The following TASOR2 variants were observed in gnomAD, a reference collection of about 807,000 sequenced individuals.
TASOR2 encodes the protein protein TASOR 2.
Under a neutral mutation model 199.5 loss-of-function variants are expected in TASOR2, and 84 were observed. The ratio of observed to expected loss-of-function variants is 0.42; its 90% confidence interval spans 0.35 to 0.50. TASOR2 has a LOEUF of 0.50. Ranked by LOEUF, TASOR2 falls within the 20% of genes least tolerant of loss-of-function variation. TASOR2 has a pLI of 0.02. For synonymous variants in TASOR2, 1,103 were observed against 1,046.6 expected, an observed-to-expected ratio of 1.05 and a Z score of -1.04; for missense variants, 2,796 against 2,835.9, an observed-to-expected ratio of 0.99 and a Z score of 0.32.
At position 5,749,679 on chromosome 10, in the gene TASOR2, C is replaced by T. The variant is rs61729838; in HGVS notation, c.6258C>T (p.His2086=). The change falls in exon 15 of 21, where the codon CAC becomes CAT. Residue 2086 remains histidine, a synonymous_variant. Transcript: ENST00000328090. The stretch of plus-strand genomic sequence containing the variant: ...ATCTTAGAAATTCTCAAAGAAATCA[C>T]ACTGTTTCATTCCACCTCAACAAAC... 2,250 of 1,614,184 alleles carry T rather than the reference C, an allele frequency of 1.4e-3. 34 individuals are homozygous for T. In the African/African-American group the frequency reaches 0.026, roughly 19 times the overall value.
intron 1 of TASOR2, among the ~76,000 whole-genome samples, chr10:5,707,441 G>T (rs2131536393): frequency 6.6e-6 from 1 of 152,188 alleles, no homozygotes; most frequent in Admixed American, 6.5e-5. Flanking sequence ...CATCTTGGTT[G>T]CAAGGAGATC....
rs766394622 is a variant in TASOR2 at position 5,746,446 on chromosome 10, G to A, written c.3025G>A (p.Ala1009Thr). 18 of 1,614,036 alleles carry A rather than the reference G, an allele frequency of 1.1e-5. No individual in the cohort carries two copies. In the East Asian group the frequency reaches 1.3e-4, roughly 12 times the overall value. ...AAACAAAGTGGATATTCTTGATGCA[G>A]CAGTGCAAACAAAAACAGGTACTTT... Residue 1009 changes from alanine (A) to threonine (T), a missense_variant, in exon 15 of 21, where the codon GCA becomes ACA. Coordinates refer to ENST00000328090, the Ensembl canonical transcript of TASOR2.
rs1833221846 is a variant in TASOR2 at position 5,720,542 on chromosome 10, A to C, written c.-99-2A>C. 4 of 1,590,408 alleles carry C rather than the reference A, an allele frequency of 2.5e-6. No homozygotes were observed. On this transcript the variant is annotated splice_acceptor_variant, in intron 3 of 20. Transcript: ENST00000328090. LOFTEE classifies it low-confidence loss of function (5UTR_SPLICE). The surrounding 1 kb of genome is among the most constrained non-coding windows in gnomAD (Gnocchi z 5.3). ...TGATAATACTTATTTTTCCTCTTTC[A>C]GTATTACTTTTACGAACTTTCAGGC...
At chr10:5,755,081 G>A (rs2131645353) in intron 15 of TASOR2, among the ~76,000 whole-genome samples, 1 of 151,124 alleles carries the variant, frequency 6.6e-6, no homozygotes, top group Middle Eastern at 3.5e-3. Flanking sequence ...GAAATCTGAG[G>A]GTGTGACAGA....
intron 20 of TASOR2, 32 bp from the exon 22 acceptor site, chr10:5,762,997 A>G (rs751061981): frequency 1.9e-6 from 3 of 1,605,698 alleles, no homozygotes; most frequent in Admixed American, 1.7e-5. Flanking sequence ...TATTATTTTA[A>G]GAAGTTCTTT....
rs185664589 is a variant in TASOR2 at position 5,742,648 on chromosome 10, G to T, written c.2757+122G>T. 2 of 922,944 alleles carry T rather than the reference G, an allele frequency of 2.2e-6. No homozygotes were observed. The highest frequency in any genetic ancestry group is 3.4e-4 in the Middle Eastern group (1 of 2,984). 57.2% of individuals were successfully genotyped at this position (922,944 alleles called of 1,614,324 possible). A position where few individuals can be genotyped will look rare whatever the true frequency, so the allele number is the denominator to read the frequency against. On this transcript the variant is annotated intron_variant, in intron 14 of 20. Transcript: ENST00000328090. The surrounding 1 kb of genome is among the most constrained non-coding windows in gnomAD (Gnocchi z 4.2). ...TTAGGACAGTGAATTCTCAAGGTAT[G>T]TAAAGAACTATTACACCAAAAACCT...
At chr10:5,746,616 G>A in exon 15 of TASOR2, 1 of 1,614,128 alleles carries the variant, frequency 6.2e-7, no homozygotes, top group Non-Finnish European at 8.5e-7. Flanking sequence ...TACCAATACA[G>A]ACAGAAGGTG....
Position 5,754,590 on chromosome 10 carries a change from A to T in TASOR2, c.6607-2023A>T, listed in dbSNP as rs954197198. On this transcript the variant is annotated intron_variant, in intron 15 of 20. Transcript: ENST00000328090. This position sits in a 1 kb window ranked among gnomAD's most constrained non-coding sequence, Gnocchi z 4.3. ...TTTTTAGTAGAGATGGGGTTTCACC[A>T]TGTTGGCCAGGCTGGTCTCGAACTC... Among the ~76,000 whole-genome samples, 4 of 151,902 alleles carry T rather than the reference A, an allele frequency of 2.6e-5. No individual in the cohort carries two copies. Among genetic ancestry groups the T allele is most frequent in the African/African-American group, 7.3e-5 (3 of 41,358 alleles).
At chr10:5,739,506 A>G in intron 12 of TASOR2, 112 bp from the exon 14 acceptor site, 1 of 991,350 alleles carries the variant, frequency 1.0e-6, no homozygotes, top group Non-Finnish European at 1.5e-6. Context: ...TATGCAATAT[A>G]TGTTACATAA....
rs774369293 is a variant in TASOR2 at position 5,749,350 on chromosome 10, C to T, written c.5929C>T (p.Leu1977=). 11 of 1,614,096 alleles carry T rather than the reference C, an allele frequency of 6.8e-6. No homozygotes were observed. The Admixed American group carries it at 1.7e-4, about 24-fold the overall frequency. Residue 1977 remains leucine, a synonymous_variant, in exon 15 of 21, where the codon CTG becomes TTG. Transcript: ENST00000328090. ...CGACCTCACCCAGAACACTTTAGACCTGGAGTATCTGCGTTTTGCACATAA... is the reference window on the plus strand; with the variant it reads ...CGACCTCACCCAGAACACTTTAGACTTGGAGTATCTGCGTTTTGCACATAA...
Position 5,690,380 on chromosome 10 carries a change from A to G in TASOR2, c.-288+5205A>G, listed in dbSNP as rs1348044569. Among the ~76,000 whole-genome samples the G allele has an allele frequency of 6.6e-6, 1 of 152,230 alleles. No homozygotes were observed. The highest frequency in any genetic ancestry group is 1.5e-5 in the Non-Finnish European group (1 of 68,054). On this transcript the variant is annotated intron_variant, in intron 1 of 20. Transcript: ENST00000328090. This position sits in a 1 kb window ranked among gnomAD's most constrained non-coding sequence, Gnocchi z 4.8. ...ACTACCCTCCTTGGCATGGTGAAAT[A>G]GACCCTGTTTAGAACCTTTCATGTA...
intron 3 of TASOR2, among the ~76,000 whole-genome samples, chr10:5,718,411 A>G (rs1296539190): frequency 6.7e-6 from 1 of 149,292 alleles, no homozygotes; most frequent in East Asian, 1.9e-4. Context: ...AAAAAAAACA[A>G]GAGCCTGTGA....
At chr10:5,734,381 G>C (rs1338175704) in intron 11 of TASOR2, among the ~76,000 whole-genome samples, 3 of 151,814 alleles carry the variant, frequency 2.0e-5, no homozygotes, top group Non-Finnish European at 4.4e-5. Context: ...AGGCTTCCCA[G>C]AGCGCTTCTA....
At position 5,742,669 on chromosome 10, in the gene TASOR2, A is replaced by C; in HGVS notation, c.2757+143A>C. On this transcript the variant is annotated intron_variant, in intron 14 of 20. Coordinates refer to ENST00000328090, the Ensembl canonical transcript of TASOR2. This position sits in a 1 kb window ranked among gnomAD's most constrained non-coding sequence, Gnocchi z 4.2. Reference sequence around the variant, plus strand: ...GTATGTAAAGAACTATTACACCAAAAACCTAGTTTTCATGAAGTGTCCTTG... The same window carrying C: ...GTATGTAAAGAACTATTACACCAAACACCTAGTTTTCATGAAGTGTCCTTG... 1.3e-6 allele frequency: 1 copy of C among 768,436 alleles called. No individual in the cohort carries two copies. The highest frequency in any genetic ancestry group is 2.8e-5 in the East Asian group (1 of 35,914). The allele number at this position is 768,436 out of a possible 1,614,324, so 47.6% of individuals were successfully genotyped here.
At chr10:5,735,189 C>T in intron 11 of TASOR2, 115 bp from the exon 13 acceptor site, 5 of 1,200,230 alleles carry the variant, frequency 4.2e-6, no homozygotes, top group South Asian at 1.6e-5. Flanking sequence ...AGTTTATTCC[C>T]CATTACTAAA....
rs1314104920 is a variant in TASOR2 at position 5,698,418 on chromosome 10, G to A, written c.-288+13243G>A. ...CAGGATGGTCTGTTAATAAACATTA[G>A]TTAACCGAACAGTTATATGATTAAA... On this transcript the variant is annotated intron_variant, in intron 1 of 20. Transcript: ENST00000328090. The surrounding 1 kb of genome is among the most constrained non-coding windows in gnomAD (Gnocchi z 4.4). Among the ~76,000 whole-genome samples, 4 of 152,132 alleles carry A rather than the reference G, an allele frequency of 2.6e-5. No homozygotes were observed. The highest frequency in any genetic ancestry group is 1.3e-4 in the Admixed American group (2 of 15,276).
In TASOR2 at chr10:5,720,742, C is replaced by G. The variant is rs1353608507; in HGVS notation, c.27-13C>G. ...TCTTGTAAACATGTTCTTTTTCTTT[C>G]TTTTTCTGCTAGACTTGAACGCAGT... On this transcript the variant is annotated splice_polypyrimidine_tract_variant and intron_variant, in intron 4 of 20. Coordinates refer to ENST00000328090, the Ensembl canonical transcript of TASOR2. This position sits in a 1 kb window ranked among gnomAD's most constrained non-coding sequence, Gnocchi z 5.3. 1.9e-6 allele frequency: 3 copies of G among 1,612,182 alleles called. No homozygotes were observed. The highest frequency in any genetic ancestry group is 1.1e-5 in the South Asian group (1 of 90,908).
intron 2 of TASOR2, among the ~76,000 whole-genome samples, chr10:5,713,238 T>C (rs758655802): frequency 6.6e-6 from 1 of 152,178 alleles, no homozygotes; most frequent in Non-Finnish European, 1.5e-5. Context: ...TGGATTATCG[T>C]TTAATCGAAA....
intron 13 of TASOR2, among the ~76,000 whole-genome samples, chr10:5,741,199 T>C (rs1051554852): frequency 5.7e-4 from 87 of 152,214 alleles, no homozygotes; most frequent in African/African-American, 2.0e-3. Context: ...TTTCAGGTGA[T>C]ATCAATGGTG....
Sources: allele counts gnomAD v4.1 joint callset (sites outside exome capture counted in the v4.1 genomes callset), GRCh38; gene constraint gnomAD v4.1.1; non-coding constraint Gnocchi (gnomAD v3.1); transcripts MANE v1.5; gene names NCBI Gene and HGNC (gene_info 2026-07-23, HGNC 2026-07-21).